Variants in FAM135B observed in about 807,000 individuals in gnomAD.
The protein encoded by FAM135B is protein FAM135B.
In FAM135B, 43 loss-of-function variants were observed where a neutral mutation model predicts 127.7. The ratio of observed to expected loss-of-function variants is 0.34; its 90% CI spans 0.26 to 0.43. FAM135B has a LOEUF of 0.43. FAM135B is among the 20% of genes least tolerant of loss of function. FAM135B has a pLI of 1.00. For synonymous variants in FAM135B, 670 were observed against 665.1 expected, an observed-to-expected ratio of 1.01 and a Z score of -0.11; for missense variants, 1,558 against 1,725.6, an observed-to-expected ratio of 0.90 and a Z score of 1.72.
At chr8:138,458,750 A>G (rs573919057) in intron 1 of FAM135B, among the ~76,000 whole-genome samples, 5 of 152,312 alleles carry the variant, frequency 3.3e-5, no homozygotes, top group African/African-American at 1.2e-4. Context: ...ATGACCTAAA[A>G]TATATACCAT....
At chr8:138,311,059 G>GAGA (rs1267178635) in intron 2 of FAM135B, 139 bp from the exon 3 acceptor site, 1 of 636,444 alleles carries the variant, frequency 1.6e-6, no homozygotes, top group South Asian at 2.0e-5. Context: ...TGGCATCAAT[G>GAGA]AGAAATGCAT....
chr8:138,237,046 C>T (rs573415915), intron 7 of FAM135B, among the ~76,000 whole-genome samples: 11 of 152,040 alleles, frequency 7.2e-5, no homozygotes, highest in Non-Finnish European at 1.2e-4. Context: ...ATTCCTCCGT[C>T]GGATGACGGA....
At position 138,151,332 on chromosome 8, in the gene FAM135B, G is replaced by C. The variant is rs2130725130; in HGVS notation, c.3143C>G (p.Pro1048Arg). The C allele has an allele frequency of 1.2e-6, 2 of 1,614,024 alleles. No homozygotes were observed. Among genetic ancestry groups the C allele is most frequent in the South Asian group, 1.1e-5 (1 of 91,042 alleles). ...TATCLPFSSV[P>R]KETPARAGFS... ...TCCAGCCCTGGCAGGGGTCTCCTTG[G>C]GCACAGATGAGAAAGGGAGACAGGT... is the stretch of plus-strand genomic sequence containing the variant. The change falls in exon 13 of 20, where the codon CCC (proline) becomes CGC (arginine). Residue 1048 changes from proline to arginine, a missense_variant. Around this residue, in one of 5 missense-constraint regions of FAM135B, gnomAD observed 923 missense variants for 865.3 expected, o/e 1.07. Transcript: ENST00000395297.
At chr8:138,311,777 T>A (rs1426139092) in intron 2 of FAM135B, among the ~76,000 whole-genome samples, 3 of 152,144 alleles carry the variant, frequency 2.0e-5, no homozygotes, top group Admixed American at 2.0e-4. Flanking sequence ...ACTCGTAGAA[T>A]GTTTCTGCTG....
intron 12 of FAM135B, among the ~76,000 whole-genome samples, chr8:138,154,994 C>A (rs1282651461): frequency 1.3e-5 from 2 of 152,134 alleles, no homozygotes; most frequent in African/African-American, 4.8e-5. Context: ...ACATAATTAT[C>A]AGATTCACCA....
At chr8:138,381,132 C>T (rs1482763710) in intron 1 of FAM135B, among the ~76,000 whole-genome samples, 2 of 152,154 alleles carry the variant, frequency 1.3e-5, no homozygotes, top group Non-Finnish European at 2.9e-5. Flanking sequence ...AAGTGCAGCA[C>T]TGATGCATAT....
chr8:138,426,010 T>TATATATAC lies in FAM135B; in HGVS notation c.-19-58009_-19-58008insGTATATAT, dbSNP rs1563992442. Among the ~76,000 whole-genome samples, 20 of 16,190 alleles carry TATATATAC rather than the reference T, an allele frequency of 1.2e-3. 1 individual carries two copies. The highest frequency in any genetic ancestry group is 6.3e-3 in the East Asian group (6 of 958). 10.6% of individuals were successfully genotyped at this position (16,190 alleles called of 152,430 possible). A position where few individuals can be genotyped will look rare whatever the true frequency, so the allele number is the denominator to read the frequency against. On this transcript the variant is annotated intron_variant, in intron 1 of 19. Coordinates refer to ENST00000395297, the MANE Select transcript of FAM135B (RefSeq NM_015912.4). ...ATATATATATATATATATATATATATATACACACACATACATATACACACA... is the reference window on the plus strand; with the variant it reads ...ATATATATATATATATATATATATATATATATACATACACACACATACATATACACACA...
rs562301036 is a variant in FAM135B at position 138,132,861 on chromosome 8, A to G, written c.4016-63T>C. The G allele has an allele frequency of 2.2e-5, 31 of 1,429,312 alleles. No homozygotes were observed. Among genetic ancestry groups the G allele is most frequent in the East Asian group, 2.3e-5 (1 of 43,968 alleles). 88.5% of individuals were successfully genotyped at this position (1,429,312 alleles called of 1,614,324 possible). On this transcript the variant is annotated intron_variant, in intron 19 of 19. Transcript: ENST00000395297. The surrounding 1 kb of genome is among the most constrained non-coding windows in gnomAD (Gnocchi z 4.5). ...AAATTAGCAGTGGAATCTAGAGAAC[A>G]TCACTAGATGTGTGTCGAAATTCTG...
rs563222536 is a variant in FAM135B, at chr8:138,391,949, A to G, written c.-19-23947T>C. Among the ~76,000 whole-genome samples, 113 of 152,256 alleles carry G rather than the reference A, an allele frequency of 7.4e-4. 2 individuals carry two copies. Among genetic ancestry groups the G allele is most frequent in the South Asian group, 3.5e-3 (17 of 4,816 alleles). ...AGGCCATCTGGTCTCCAGGTAAGTA[A>G]ACACTGCCTAGAGGAGGATGGGTCT... On this transcript the variant is annotated intron_variant, in intron 1 of 19. Coordinates refer to ENST00000395297, the MANE Select transcript of FAM135B (RefSeq NM_015912.4).
chr8:138,478,600 T>C (rs1221046169), intron 1 of FAM135B, among the ~76,000 whole-genome samples: 1 of 151,666 alleles, frequency 6.6e-6, no homozygotes, highest in East Asian at 1.9e-4. Context: ...TGTTGAAGGG[T>C]GCTTCTAAAT....
chr8:138,382,616 T>C (rs1831929450), intron 1 of FAM135B, among the ~76,000 whole-genome samples: 1 of 152,144 alleles, frequency 6.6e-6, no homozygotes, highest in South Asian at 2.1e-4. Context: ...CATCTGTGCA[T>C]AGGGACTCTG....
At chr8:138,374,809 A>G (rs1676076412) in intron 1 of FAM135B, among the ~76,000 whole-genome samples, 2 of 152,312 alleles carry the variant, frequency 1.3e-5, no homozygotes, top group Admixed American at 1.3e-4. Flanking sequence ...CAGGGTTCTG[A>G]GGATGCACAG....
chr8:138,177,492 T>G lies in FAM135B; in HGVS notation c.1030-72A>C, dbSNP rs538627366. ...TACCTGCACTTTCTTTTTTTTTAAT[T>G]GAGGCTCAAAAAGATGAATGATATT... On this transcript the variant is annotated intron_variant, in intron 10 of 19. Transcript: ENST00000395297. The G allele has an allele frequency of 3.8e-5, 50 of 1,313,414 alleles. No individual in the cohort carries two copies. In the East Asian group the frequency reaches 1.2e-3, roughly 31 times the overall value. 81.4% of individuals were successfully genotyped at this position (1,313,414 alleles called of 1,614,324 possible).
rs2130594222 is a variant in FAM135B, at chr8:138,141,243, G to A, written c.3745C>T (p.Pro1249Ser). 1 of 1,614,116 alleles carries A rather than the reference G, an allele frequency of 6.2e-7. No individual in the cohort carries two copies. The highest frequency in any genetic ancestry group is 8.5e-7 in the Non-Finnish European group (1 of 1,180,016). ...TTGTTGTACAGGGTTCCCAGGTGAG[G>A]CCCAGAGAGTGACAGGAACGTGTGG... ...KLHTFLSLSGPHLGTLYNNST... is the reference protein window; with the variant it reads ...KLHTFLSLSGSHLGTLYNNST... Residue 1249 changes from proline to serine, a missense_variant, in exon 17 of 20, where the codon CCT becomes TCT. By Grantham distance (74) the Pro-to-Ser change is moderately conservative (BLOSUM62 -1). Transcript: ENST00000395297. The surrounding 1 kb of genome is among the most constrained non-coding windows in gnomAD (Gnocchi z 4.7).
At chr8:138,445,375 C>T (rs1201317457) in intron 1 of FAM135B, among the ~76,000 whole-genome samples, 2 of 152,164 alleles carry the variant, frequency 1.3e-5, no homozygotes, top group African/African-American at 4.8e-5. Context: ...GACCAATATC[C>T]TTGATGAACA....
At chr8:138,483,072 T>A (rs762284214) in intron 1 of FAM135B, among the ~76,000 whole-genome samples, 3 of 151,400 alleles carry the variant, frequency 2.0e-5, no homozygotes, top group Non-Finnish European at 4.4e-5. Context: ...TCAGGAACAA[T>A]CAATTTAAAA....
chr8:138,399,067 A>C (rs1833003030), intron 1 of FAM135B, among the ~76,000 whole-genome samples: 1 of 152,106 alleles, frequency 6.6e-6, no homozygotes, highest in Non-Finnish European at 1.5e-5. Context: ...TAAGAATAAT[A>C]ATATATATTT....
At chr8:138,329,090 C>A (rs572586048) in intron 2 of FAM135B, among the ~76,000 whole-genome samples, 2 of 152,250 alleles carry the variant, frequency 1.3e-5, no homozygotes, top group Admixed American at 1.3e-4. Flanking sequence ...CATAAACAAA[C>A]AGCCACATAG....
chr8:138,264,873 T>C (rs1822797478), intron 4 of FAM135B, among the ~76,000 whole-genome samples: 1 of 152,222 alleles, frequency 6.6e-6, no homozygotes, highest in Non-Finnish European at 1.5e-5. Flanking sequence ...AGGGGATTTC[T>C]AATTAGAACT....
Sources: gnomAD v4.1 joint callset for allele counts (sites outside exome capture counted in the v4.1 genomes callset) on GRCh38, gnomAD v4.1.1 for gene constraint, gnomAD v4.1.1 regional missense constraint, Gnocchi (gnomAD v3.1) non-coding constraint, MANE v1.5 for transcripts, NCBI Gene and HGNC (gene_info 2026-07-23, HGNC 2026-07-21) for gene names.